PCDHA2: variants seen among roughly 807,000 people sequenced by gnomAD.
PCDHA2 encodes protocadherin alpha-2.
Under a neutral mutation model 66.0 loss-of-function variants are expected in PCDHA2, and 58 were observed. That is an observed-to-expected ratio of 0.88 (90% CI 0.71 to 1.09). The LOEUF (loss-of-function observed/expected upper bound fraction) is 1.09. PCDHA2 is among the 50% of genes least tolerant of loss of function. The probability of loss-of-function intolerance (pLI) is 0.00; values close to 1 mark genes in which losing one functional copy is unlikely to be tolerated. For missense variants in PCDHA2, 1,267 were observed against 1,242.3 expected, an observed-to-expected ratio of 1.02 and a Z score of -0.30; for synonymous variants, 634 against 554.0, an observed-to-expected ratio of 1.14 and a Z score of -2.03.
chr5:140,834,252 ACG>A, intron 1 of PCDHA2: 2 of 916,406 alleles, frequency 2.2e-6, no homozygotes, highest in Non-Finnish European at 3.3e-6. Context: ...CACTGGAAAG[ACG>A]CTCCACTCTC....
At chr5:140,825,477 T>C (rs1364531758) in intron 1 of PCDHA2, 1 of 150,372 alleles carries the variant, frequency 6.7e-6, no homozygotes, top group Non-Finnish European at 1.5e-5. Flanking sequence ...AATTTTGCTC[T>C]TGTTGCCCAA....
At chr5:140,882,652 C>T (rs781900873) in intron 1 of PCDHA2, 1 of 1,614,216 alleles carries the variant, frequency 6.2e-7, no homozygotes, top group Non-Finnish European at 8.5e-7. Flanking sequence ...ACATTAACGA[C>T]AACCCGCCCA....
chr5:140,967,836 A>G, intron 1 of PCDHA2: 1 of 1,614,136 alleles, frequency 6.2e-7, no homozygotes, highest in African/African-American at 1.3e-5. Flanking sequence ...GACATCGTGG[A>G]CGTGAATGAC....
chr5:140,851,678 C>T, intron 1 of PCDHA2: 1 of 917,638 alleles, frequency 1.1e-6, no homozygotes, highest in Non-Finnish European at 1.3e-6. Context: ...GAAATTTTCT[C>T]CATTCAGTGA....
chr5:140,933,441 C>T (rs1197059199), intron 1 of PCDHA2, among the ~76,000 whole-genome samples: 1 of 151,990 alleles, frequency 6.6e-6, no homozygotes, highest in African/African-American at 2.4e-5. Flanking sequence ...ACTCTAATGA[C>T]ATACCTTCAA....
At chr5:140,855,984 A>G in intron 1 of PCDHA2, 1 of 1,472,240 alleles carries the variant, frequency 6.8e-7, no homozygotes, top group East Asian at 2.3e-5. Flanking sequence ...AGGACAGAAA[A>G]TGTCAGATCG....
rs1762045475 is a variant in PCDHA2 at position 140,796,195 on chromosome 5, A to T, written c.1231A>T (p.Ser411Cys). ...FKNYYSLVLD[S>C]ALDRESVSAY... ...GAATTACTACTCGTTGGTGCTGGAC[A>T]GCGCCCTGGACCGCGAGAGCGTGTC... Residue 411 changes from serine (S) to cysteine (C), a missense_variant, in exon 1 of 4, where the codon AGC (serine) becomes TGC (cysteine). Coordinates refer to ENST00000526136, the MANE Select transcript of PCDHA2 (RefSeq NM_018905.3). 1.9e-6 allele frequency: 3 copies of T among 1,614,056 alleles called. No homozygotes were observed. Among genetic ancestry groups the T allele is most frequent in the Non-Finnish European group, 2.5e-6 (3 of 1,180,050 alleles).
At chr5:140,999,837 A>G (rs2097878885) in intron 3 of PCDHA2, among the ~76,000 whole-genome samples, 2 of 152,206 alleles carry the variant, frequency 1.3e-5, no homozygotes, top group South Asian at 2.1e-4. Flanking sequence ...AAATATGCCA[A>G]GTGTATTTAT....
rs2150340474 is a variant in PCDHA2, at chr5:140,842,609, G to A, written c.2388+45257G>A. On this transcript the variant is annotated intron_variant, in intron 1 of 3. Transcript: ENST00000526136. ...TGAGTTGGTGGTAACCGCGCGGGAC[G>A]GGGGCTCGCCTTCGCTGTGGGCCAC... 1.8e-5 allele frequency: 28 copies of A among 1,595,750 alleles called. 2 individuals carry two copies. Among genetic ancestry groups the A allele is most frequent in the African/African-American group, 2.7e-5 (2 of 74,312 alleles).
At chr5:140,805,527 A>C in intron 1 of PCDHA2, 18 of 986,826 alleles carry the variant, frequency 1.8e-5, no homozygotes, top group Non-Finnish European at 2.2e-5. Flanking sequence ...TTAGACAAAC[A>C]GGATGAAAAT....
chr5:140,856,318 C>G (rs200204071), intron 1 of PCDHA2: 2 of 1,598,576 alleles, frequency 1.3e-6, no homozygotes, highest in East Asian at 4.5e-5. Context: ...CTCGGATTGA[C>G]CGCGAGGAGC....
chr5:140,866,385 A>G (rs1211864168), intron 1 of PCDHA2: 3 of 152,140 alleles, frequency 2.0e-5, no homozygotes, highest in Non-Finnish European at 2.9e-5. Flanking sequence ...ACAATTTTAA[A>G]GACATAGATT....
At chr5:140,852,920 C>T (rs1481418801) in intron 1 of PCDHA2, 1 of 758,850 alleles carries the variant, frequency 1.3e-6, no homozygotes, top group African/African-American at 1.9e-5. Context: ...GCTCTGTTGC[C>T]CAGGCTGGAG....
At chr5:140,928,332 C>T in intron 1 of PCDHA2, 1 of 1,614,182 alleles carries the variant, frequency 6.2e-7, no homozygotes, top group Non-Finnish European at 8.5e-7. Context: ...ATGGCCTTGT[C>T]TCTTATGAGC....
intron 1 of PCDHA2, among the ~76,000 whole-genome samples, chr5:140,895,873 G>A (rs112324080): frequency 0.13 from 19,058 of 152,088 alleles, 1,272 homozygotes; most frequent in Middle Eastern, 0.19. Context: ...GTGCAATGGC[G>A]CGATCTCGGC....
In PCDHA2 at chr5:140,876,087, G is replaced by T. The variant is rs1554168252; in HGVS notation, c.2388+78735G>T. ...GGAAGTTATTGGACAGAGAGCAAAC[G>T]CCAAAACTCAATTTATTGCTGATGG... On this transcript the variant is annotated intron_variant, in intron 1 of 3. Coordinates refer to ENST00000526136, the MANE Select transcript of PCDHA2 (RefSeq NM_018905.3). The T allele has an allele frequency of 1.9e-6, 3 of 1,613,922 alleles. No individual in the cohort carries two copies. The South Asian group carries it at 3.3e-5, about 18-fold the overall frequency.
intron 1 of PCDHA2, chr5:140,928,384 C>G (rs246074): frequency 0.52 from 841,304 of 1,613,674 alleles, 221,696 homozygotes; most frequent in African/African-American, 0.71. Flanking sequence ...CTCTAGCTTG[C>G]TGGCAGTGGA....
intron 1 of PCDHA2, among the ~76,000 whole-genome samples, chr5:140,921,992 C>A (rs963694302): frequency 6.6e-6 from 1 of 151,842 alleles, no homozygotes; most frequent in South Asian, 2.1e-4. Context: ...AAAAAGAGTT[C>A]AATGAAATGA....
chr5:140,796,150 A>C lies in PCDHA2; in HGVS notation c.1186A>C (p.Lys396Gln). 1 of 1,614,162 alleles carries C rather than the reference A, an allele frequency of 6.2e-7. No homozygotes were observed. The highest frequency in any genetic ancestry group is 8.5e-7 in the Non-Finnish European group (1 of 1,180,026). The change falls in exon 1 of 4, where the codon AAG (lysine) becomes CAG (glutamine). Residue 396 changes from lysine to glutamine, a missense_variant. Coordinates refer to ENST00000526136, the MANE Select transcript of PCDHA2 (RefSeq NM_018905.3). ...CTCCCTGACGCCCCACGTCCCTTTC[A>C]AGCTGGTGTCCACCTTCAAGAATTA... ...TCSLTPHVPF[K>Q]LVSTFKNYYS...
Sources: allele counts gnomAD v4.1 joint callset (sites outside exome capture counted in the v4.1 genomes callset), GRCh38; gene constraint gnomAD v4.1.1; transcripts MANE v1.5; gene names NCBI Gene and HGNC (gene_info 2026-07-23, HGNC 2026-07-21).